Variants in RBMS3 observed in about 807,000 individuals in gnomAD.
The protein encoded by RBMS3 is RNA-binding motif, single-stranded-interacting protein 3.
In RBMS3, 27 loss-of-function variants were observed where a neutral mutation model predicts 66.8. The observed-to-expected ratio is 0.40, with a 90% confidence interval of 0.30 to 0.56. The LOEUF is 0.56. RBMS3 is among the 20% of genes least tolerant of loss of function. The pLI is 0.40. For missense variants in RBMS3, 513 were observed against 549.5 expected, an observed-to-expected ratio of 0.93 and a Z score of 0.66; for synonymous variants, 188 against 183.0, an observed-to-expected ratio of 1.03 and a Z score of -0.22.
At chr3:30,003,431 GT>G (rs1446137015) in intron 14 of RBMS3, among the ~76,000 whole-genome samples, 1 of 151,876 alleles carries the variant, frequency 6.6e-6, no homozygotes, top group African/African-American at 2.4e-5. Context: ...CCTCTTAACT[GT>G]CTCACTTATT....
At chr3:29,885,811 C>A (rs2059856314) in intron 8 of RBMS3, among the ~76,000 whole-genome samples, 1 of 151,630 alleles carries the variant, frequency 6.6e-6, no homozygotes, top group African/African-American at 2.4e-5. Flanking sequence ...ATATACATAT[C>A]TACCTGTCTA....
At chr3:29,691,078 T>A (rs775268027) in intron 4 of RBMS3, among the ~76,000 whole-genome samples, 1 of 152,240 alleles carries the variant, frequency 6.6e-6, no homozygotes, top group African/African-American at 2.4e-5. Flanking sequence ...TATTATCTTA[T>A]GGTTTTCAGC....
chr3:29,741,408 T>A (rs935982579), intron 5 of RBMS3, among the ~76,000 whole-genome samples: 1 of 152,180 alleles, frequency 6.6e-6, no homozygotes, highest in African/African-American at 2.4e-5. Context: ...CATTCTTATA[T>A]AGTGTGCAAC....
rs547803270 is a variant in RBMS3 at position 29,913,342 on chromosome 3, A to G, written c.939+13587A>G. Among the ~76,000 whole-genome samples, 25 of 152,138 alleles carry G rather than the reference A, an allele frequency of 1.6e-4. No individual in the cohort carries two copies. In the South Asian group the frequency reaches 5.2e-3, roughly 32 times the overall value. On this transcript the variant is annotated intron_variant, in intron 10 of 14. Transcript: ENST00000383767. ...ACTTGAGAAATGACAGAAAAACTAT[A>G]TCATCAGCAGAGAAAACATCTTCTT...
intron 6 of RBMS3, among the ~76,000 whole-genome samples, chr3:29,852,143 T>G (rs1039313133): frequency 6.6e-6 from 1 of 152,190 alleles, no homozygotes; most frequent in Non-Finnish European, 1.5e-5. Flanking sequence ...AAATTGAAAC[T>G]GAACCCCTTC....
chr3:29,488,321 A>C, intron 2 of RBMS3, 120 bp from the exon 3 acceptor site: 1 of 703,224 alleles, frequency 1.4e-6, no homozygotes, highest in Non-Finnish European at 2.3e-6. Context: ...ATGGGAATCC[A>C]GAGCTTGTTT....
chr3:29,551,019 T>C (rs1559461458), intron 3 of RBMS3, among the ~76,000 whole-genome samples: 1 of 152,210 alleles, frequency 6.6e-6, no homozygotes, highest in Non-Finnish European at 1.5e-5. Flanking sequence ...AAGAGAGTGA[T>C]TACTTGGCAG....
chr3:29,882,804 C>A (rs1403670204), intron 7 of RBMS3, among the ~76,000 whole-genome samples: 1 of 151,958 alleles, frequency 6.6e-6, no homozygotes, highest in African/African-American at 2.4e-5. Flanking sequence ...CTCAAACAGG[C>A]AAGGTATTTT....
intron 3 of RBMS3, among the ~76,000 whole-genome samples, chr3:29,494,850 G>A (rs1322949213): frequency 6.8e-6 from 1 of 147,646 alleles, no homozygotes; most frequent in Non-Finnish European, 1.5e-5. Context: ...TAGAGGGAAT[G>A]AGTAATGGAT....
chr3:29,713,098 G>A (rs1285709341), intron 4 of RBMS3, among the ~76,000 whole-genome samples: 2 of 151,692 alleles, frequency 1.3e-5, no homozygotes, highest in Non-Finnish European at 2.9e-5. Context: ...TGATTATTGT[G>A]GCTAGTATCT....
intron 4 of RBMS3, among the ~76,000 whole-genome samples, chr3:29,684,400 G>A (rs894213159): frequency 1.3e-5 from 2 of 152,030 alleles, no homozygotes; most frequent in African/African-American, 4.8e-5. Context: ...TTCTGGAAAG[G>A]TGTATTTCTT....
chr3:29,667,631 C>G (rs17024107), intron 4 of RBMS3, among the ~76,000 whole-genome samples: 17,976 of 152,004 alleles, frequency 0.12, 2,324 homozygotes, highest in African/African-American at 0.32. Flanking sequence ...AAGAAATTAT[C>G]CTGAAGATTA....
At chr3:29,907,269 C>T (rs1023946496) in intron 10 of RBMS3, among the ~76,000 whole-genome samples, 10 of 151,992 alleles carry the variant, frequency 6.6e-5, no homozygotes, top group Non-Finnish European at 1.5e-4. Context: ...TGTTTTCAAT[C>T]GAATATTTAA....
rs576033249 is a variant in RBMS3, at chr3:29,739,228, C to T, written c.400-492C>T. ...CAGCACTTTGGGAGGCCGAGGTGGGCGGATCACTAAGTCAGGAGGAGATGG... is the reference window on the plus strand; with the variant it reads ...CAGCACTTTGGGAGGCCGAGGTGGGTGGATCACTAAGTCAGGAGGAGATGG... On this transcript the variant is annotated intron_variant, in intron 4 of 14. Transcript: ENST00000383767. Among the ~76,000 whole-genome samples, 7 of 152,068 alleles carry T rather than the reference C, an allele frequency of 4.6e-5. 1 individual carries two copies. The highest frequency in any genetic ancestry group is 3.4e-3 in the Middle Eastern group (1 of 294).
chr3:29,968,130 C>T (rs1452649042), intron 12 of RBMS3, among the ~76,000 whole-genome samples: 1 of 152,134 alleles, frequency 6.6e-6, no homozygotes, highest in East Asian at 1.9e-4. Context: ...CTTAGCACCA[C>T]CTTAGCTGTA....
Position 29,611,927 on chromosome 3 carries a change from T to C in RBMS3, c.399+24722T>C, listed in dbSNP as rs533919093. 4.6e-5 allele frequency among the ~76,000 whole-genome samples: 7 copies of C among 152,122 alleles called. No homozygotes were observed. The South Asian group carries it at 1.5e-3, about 32-fold the overall frequency. On this transcript the variant is annotated intron_variant, in intron 4 of 14. Coordinates refer to ENST00000383767, the MANE Select transcript of RBMS3 (RefSeq NM_001003793.3). ...AAATGTATCCTCCCCAATGTACATA[T>C]ATTAATGGTAGTACAGTATAACGGT...
At chr3:29,597,027 T>A (rs181632286) in intron 4 of RBMS3, among the ~76,000 whole-genome samples, 7 of 152,236 alleles carry the variant, frequency 4.6e-5, no homozygotes, top group East Asian at 1.9e-4. Context: ...TATTGACTGG[T>A]GGAATGGGAC....
intron 4 of RBMS3, chr3:29,731,110 C>A: frequency 1.2e-6 from 1 of 823,554 alleles, no homozygotes; most frequent in South Asian, 5.5e-5. Flanking sequence ...TAAAAGCCAG[C>A]CCAAGCCTTA....
chr3:29,473,038 TGTAGATTG>T (rs2042800524), intron 2 of RBMS3, among the ~76,000 whole-genome samples: 1 of 151,138 alleles, frequency 6.6e-6, no homozygotes, highest in Admixed American at 6.6e-5. Context: ...AGATACAGAG[TGTAGATTG>T]GTGCATTCAC....
Sources: allele counts gnomAD v4.1 joint callset (sites outside exome capture counted in the v4.1 genomes callset), GRCh38; gene constraint gnomAD v4.1.1; transcripts MANE v1.5; gene names NCBI Gene and HGNC (gene_info 2026-07-23, HGNC 2026-07-21).